The following SUPT3H variants were observed in gnomAD, a reference collection of about 807,000 sequenced individuals.
The protein encoded by SUPT3H is SPT3 homolog, SAGA and STAGA complex component, also known as transcription initiation protein SPT3 homolog.
In SUPT3H, 44 loss-of-function variants were observed where a neutral mutation model predicts 44.3. The observed-to-expected ratio is 0.99, with a 90% CI of 0.78 to 1.28. SUPT3H has a LOEUF of 1.28. Ranked by LOEUF, SUPT3H falls within the 50% of genes most tolerant of loss-of-function variation. SUPT3H has a pLI of 0.00. For missense variants in SUPT3H, 380 were observed against 387.1 expected (o/e 0.98, Z 0.15); for synonymous variants, 124 against 125.6 (o/e 0.99, Z 0.09).
chr6:45,186,176 G>A (rs1219311362), intron 2 of SUPT3H, among the ~76,000 whole-genome samples: 1 of 152,078 alleles, frequency 6.6e-6, no homozygotes. Context: ...GCAGGCAGTG[G>A]GAAGGTGAGA....
chr6:45,219,827 T>C (rs1016488636), intron 2 of SUPT3H, among the ~76,000 whole-genome samples: 1 of 151,344 alleles, frequency 6.6e-6, no homozygotes, highest in Non-Finnish European at 1.5e-5. Flanking sequence ...GATCACGAGG[T>C]CAGGAGTTTG....
chr6:44,817,020 C>T (rs1766959505), intron 11 of SUPT3H, among the ~76,000 whole-genome samples: 1 of 152,020 alleles, frequency 6.6e-6, no homozygotes, highest in African/African-American at 2.4e-5. Flanking sequence ...ATGATCATGC[C>T]ACTGCACTCC....
In SUPT3H at chr6:45,248,406, A is replaced by T. The variant is rs182561843; in HGVS notation, c.101+116795T>A. ...AAAAAGCTCTCCAAATAAAAAAAAT[A>T]AGAAAAATTATCCAGTAAATAAAAA... On this transcript the variant is annotated intron_variant, in intron 2 of 10. Coordinates refer to ENST00000371459, the MANE Select transcript of SUPT3H (RefSeq NM_003599.4). Among the ~76,000 whole-genome samples, 468 of 152,252 alleles carry T rather than the reference A, an allele frequency of 3.1e-3. 2 individuals are homozygous for T. Among genetic ancestry groups the T allele is most frequent in the African/African-American group, 8.3e-3 (345 of 41,572 alleles).
intron 2 of SUPT3H, among the ~76,000 whole-genome samples, chr6:45,166,977 A>C (rs1707228965): frequency 6.6e-6 from 1 of 152,242 alleles, no homozygotes. Context: ...TTTTTTAAAC[A>C]GTAAACATAC....
At chr6:45,212,479 CTATGTGTGTGTG>C (rs1231269492) in intron 2 of SUPT3H, among the ~76,000 whole-genome samples, 13 of 139,958 alleles carry the variant, frequency 9.3e-5, no homozygotes, top group South Asian at 2.3e-4. Context: ...TCCACCTCCA[CTATGTGTGTGTG>C]TGTGTGTGTG....
At chr6:44,862,840 A>G (rs1250668672) in intron 10 of SUPT3H, among the ~76,000 whole-genome samples, 9 of 152,142 alleles carry the variant, frequency 5.9e-5, no homozygotes, top group Non-Finnish European at 1.3e-4. Flanking sequence ...GAAGGAGGAC[A>G]TTAAAAAATT....
At chr6:45,021,887 T>C (rs539279278) in intron 3 of SUPT3H, among the ~76,000 whole-genome samples, 2 of 152,042 alleles carry the variant, frequency 1.3e-5, no homozygotes, top group East Asian at 3.9e-4. Context: ...CCTATCTAAA[T>C]ATAGAAATTT....
At position 45,003,783 on chromosome 6, in the gene SUPT3H, C is replaced by T; in HGVS notation, c.374G>A (p.Ser125Asn). 2 of 1,613,462 alleles carry T rather than the reference C, an allele frequency of 1.2e-6. No individual in the cohort carries two copies. Among genetic ancestry groups the T allele is most frequent in the Non-Finnish European group, 1.7e-6 (2 of 1,179,718 alleles). ...DEDDLLEDKL[S>N]GSNNANKRQK... ...TCTTTTGTTCGCATTATTGCTGCCA[C>T]TCAATTTGTCTTCATGAAGTCAAGG... The change falls in exon 6 of 11, where the codon AGT (serine) becomes AAT (asparagine). Residue 125 changes from serine (S) to asparagine (N), a missense_variant. Physicochemically the swap from Ser to Asn is conservative, Grantham distance 46 (BLOSUM62 1). Coordinates refer to ENST00000371459, the MANE Select transcript of SUPT3H (RefSeq NM_003599.4).
chr6:44,852,998 T>C (rs4714827), intron 10 of SUPT3H, among the ~76,000 whole-genome samples: 23,889 of 139,070 alleles, frequency 0.17, 2,256 homozygotes, highest in Admixed American at 0.29. Context: ...TTTTAAATAA[T>C]GTCCTAGTGG....
intron 2 of SUPT3H, among the ~76,000 whole-genome samples, chr6:45,111,965 T>A (rs1185803342): frequency 6.6e-6 from 1 of 151,668 alleles, no homozygotes; most frequent in Admixed American, 6.6e-5. Context: ...GTAGGAAAAG[T>A]CAGTAACCAT....
chr6:45,020,244 A>G (rs1424180344), intron 4 of SUPT3H, among the ~76,000 whole-genome samples: 1 of 151,998 alleles, frequency 6.6e-6, no homozygotes, highest in Non-Finnish European at 1.5e-5. Context: ...CCCACTTATG[A>G]CAACAGAACA....
chr6:44,932,048 T>A (rs760873302), intron 10 of SUPT3H, among the ~76,000 whole-genome samples: 1 of 152,210 alleles, frequency 6.6e-6, no homozygotes, highest in Non-Finnish European at 1.5e-5. Context: ...TAAGATCTTT[T>A]TTTTAAAGGG....
intron 10 of SUPT3H, among the ~76,000 whole-genome samples, chr6:44,902,509 C>G (rs1355758064): frequency 6.6e-6 from 1 of 152,090 alleles, no homozygotes; most frequent in Non-Finnish European, 1.5e-5. Flanking sequence ...GCACCCAATA[C>G]AGGAGCACCC....
At chr6:45,015,752 C>T (rs993117360) in intron 4 of SUPT3H, among the ~76,000 whole-genome samples, 1 of 151,676 alleles carries the variant, frequency 6.6e-6, no homozygotes, top group African/African-American at 2.4e-5. Context: ...TTTCTTATAG[C>T]TTTTTAAACT....
At chr6:45,328,902 T>C in intron 2 of SUPT3H, 1 of 1,046,196 alleles carries the variant, frequency 9.6e-7, no homozygotes, top group East Asian at 2.4e-5. Context: ...AATTATGCTA[T>C]CTTGTTGCAT....
intron 2 of SUPT3H, among the ~76,000 whole-genome samples, chr6:45,198,459 G>A (rs939860153): frequency 2.7e-5 from 4 of 150,864 alleles, no homozygotes; most frequent in African/African-American, 7.3e-5. Flanking sequence ...ATATCTTTAG[G>A]TTAAAATATT....
chr6:44,846,608 C>T (rs1771907369), intron 10 of SUPT3H, among the ~76,000 whole-genome samples: 1 of 151,836 alleles, frequency 6.6e-6, no homozygotes, highest in Non-Finnish European at 1.5e-5. Flanking sequence ...GCTTTCTGAA[C>T]ATTTTTGTCT....
At chr6:45,110,588 A>C (rs755489774) in intron 2 of SUPT3H, among the ~76,000 whole-genome samples, 1 of 151,992 alleles carries the variant, frequency 6.6e-6, no homozygotes, top group African/African-American at 2.4e-5. Context: ...AAAAGGAGAA[A>C]GATTTCTTAA....
intron 2 of SUPT3H, among the ~76,000 whole-genome samples, chr6:45,169,326 A>G (rs1810414472): frequency 1.3e-5 from 2 of 152,192 alleles, no homozygotes; most frequent in Non-Finnish European, 1.5e-5. Context: ...TTCTGGGGAA[A>G]TAAAAATCAT....
Sources: gnomAD v4.1 joint callset for allele counts (sites outside exome capture counted in the v4.1 genomes callset) on GRCh38, gnomAD v4.1.1 for gene constraint, MANE v1.5 for transcripts, NCBI Gene and HGNC (gene_info 2026-07-23, HGNC 2026-07-21) for gene names.